Variants in NOP2 observed in about 807,000 individuals in gnomAD.
NOP2 encodes the protein NOP2 nucleolar protein.
A neutral mutation model predicts 72.7 loss-of-function variants in NOP2; 7 were observed. The observed-to-expected ratio is 0.10, with a 90% CI of 0.05 to 0.18. The LOEUF (loss-of-function observed/expected upper bound fraction) is 0.18. Among genes scored for constraint, NOP2 ranks in the 10% least tolerant of loss-of-function variants. NOP2 has a pLI of 1.00. For synonymous variants in NOP2, 387 were observed against 388.0 expected, an observed-to-expected ratio of 1.00 and a Z score of 0.03; for missense variants, 954 against 1,014.7, an observed-to-expected ratio of 0.94 and a Z score of 0.81.
intron 2 of NOP2, chr12:6,567,578 A>C: frequency 2.4e-6 from 1 of 422,002 alleles, no homozygotes. Flanking sequence ...CTGAACTCAC[A>C]ATTGTTTTAA....
At position 6,560,833 on chromosome 12, in the gene NOP2, C is replaced by T. The variant is rs565679479; in HGVS notation, c.1348-46G>A. 6.2e-6 allele frequency: 10 copies of T among 1,608,274 alleles called. No homozygotes were observed. In the South Asian group the frequency reaches 7.8e-5, roughly 12 times the overall value. ...AATCATATGTCTCTTCTGCAACCAG[C>T]AGGGCAATATTTACTAGGGTCGAGT... On this transcript the variant is annotated intron_variant, in intron 12 of 15. Coordinates refer to ENST00000322166, the MANE Select transcript of NOP2 (RefSeq NM_001258308.2). The surrounding 1 kb of genome is among the most constrained non-coding windows in gnomAD (Gnocchi z 5.0).
At position 6,557,453 on chromosome 12, in the gene NOP2, T is replaced by A. The variant is rs1426852913; in HGVS notation, c.1979A>T (p.Glu660Val). 3.7e-6 allele frequency: 6 copies of A among 1,613,916 alleles called. No homozygotes were observed. The change falls in exon 16 of 16, where the codon GAA becomes GTA. Residue 660 changes from glutamate (E) to valine (V), a missense_variant. Physicochemically the swap from Glu to Val is moderately radical, Grantham distance 121. Transcript: ENST00000322166. ...TGTGACAGAAGGTACAGTGGACAAT[T>A]CTGAGTCTGCCCCTTTGGAGATGCC... ...LNGISKGADS[E>V]LSTVPSVTKT...
intron 1 of NOP2, 54 bp from the exon 2 acceptor site, chr12:6,567,976 C>T: frequency 7.2e-7 from 1 of 1,383,628 alleles, no homozygotes; most frequent in South Asian, 1.2e-5. Flanking sequence ...GAGGGAACGG[C>T]AGAACGCACG....
chr12:6,563,096 G>C lies in NOP2; in HGVS notation c.963C>G (p.Arg321=). 6.3e-7 allele frequency: 1 copy of C among 1,589,496 alleles called. No homozygotes were observed. Among genetic ancestry groups the C allele is most frequent in the Admixed American group, 1.8e-5 (1 of 56,150 alleles). The change falls in exon 9 of 16, where the codon CGC becomes CGG. Residue 321 remains arginine (R), a synonymous_variant. Coordinates refer to ENST00000322166, the MANE Select transcript of NOP2 (RefSeq NM_001258308.2). ...TLRTNTLKTR[R]RDLAQALINR... ...CACCCCTCACCTGTGCAAGGTCTCG[G>C]CGTCGGGTTTTCAAGGTATTGGTCC...
chr12:6,564,886 C>T (rs1947739274), intron 5 of NOP2, among the ~76,000 whole-genome samples: 1 of 152,088 alleles, frequency 6.6e-6, no homozygotes, highest in Non-Finnish European at 1.5e-5. Context: ...CCATAACTTA[C>T]TTAAGCATAT....
rs1592249614 is a variant in NOP2 at position 6,567,818 on chromosome 12, G to A, written c.101C>T (p.Ala34Val). The A allele has an allele frequency of 6.2e-7, 1 of 1,613,360 alleles. No individual in the cohort carries two copies. The highest frequency in any genetic ancestry group is 8.5e-7 in the Non-Finnish European group (1 of 1,179,306). ...AGGAGGCCACAACTAATCCTTACCT[G>A]CAGGCAAGAATCTGACGAGTTCTGT... ...AETELVRFLP[A>V]VSDENSKRLS... The change falls in exon 2 of 16, where the codon GCA (alanine) becomes GTA (valine). Residue 34 changes from alanine to valine, a missense_variant and splice_region_variant. Physicochemically the swap from Ala to Val is moderately conservative, Grantham distance 64. Coordinates refer to ENST00000322166, the MANE Select transcript of NOP2 (RefSeq NM_001258308.2).
intron 15 of NOP2, among the ~76,000 whole-genome samples, chr12:6,558,946 G>C (rs542463859): frequency 6.6e-6 from 1 of 152,164 alleles, no homozygotes; most frequent in Admixed American, 6.5e-5. Context: ...TACTTTTTAA[G>C]TTATAGCAAA....
chr12:6,557,445 T>A lies in NOP2; in HGVS notation c.1987A>T (p.Thr663Ser). Residue 663 changes from threonine to serine, a missense_variant, in exon 16 of 16, where the codon ACT becomes TCT. Around this residue, in one of 3 missense-constraint regions of NOP2, gnomAD observed 269 missense variants for 260.2 expected, o/e 1.03. Transcript: ENST00000322166. The stretch of plus-strand genomic sequence containing the variant: ...TGGGTCTTTGTGACAGAAGGTACAG[T>A]GGACAATTCTGAGTCTGCCCCTTTG... ...ISKGADSELS[T>S]VPSVTKTQAS... 2 of 1,614,038 alleles carry A rather than the reference T, an allele frequency of 1.2e-6. No individual in the cohort carries two copies. The highest frequency in any genetic ancestry group is 1.7e-6 in the Non-Finnish European group (2 of 1,179,892).
chr12:6,558,220 G>A, intron 15 of NOP2: 6 of 335,328 alleles, frequency 1.8e-5, no homozygotes, highest in South Asian at 1.3e-4. Flanking sequence ...CCCTCTTGAG[G>A]ACAGGAAGTA....
chr12:6,558,899 T>C (rs115230520), intron 15 of NOP2, among the ~76,000 whole-genome samples: 1,837 of 152,290 alleles, frequency 0.012, 33 homozygotes, highest in African/African-American at 0.041. Flanking sequence ...TTTCTTTCCA[T>C]GTGAATTGTG....
In NOP2 at chr12:6,564,068, AGAG is replaced by A; in HGVS notation, c.475-125_475-123del. ...CCAACACTTGCTCTCAGAAGGAAAT[AGAG>A]GAGCAAAGAAATGAAAATAAGATGG... On this transcript the variant is annotated intron_variant, in intron 5 of 15. Coordinates refer to ENST00000322166, the MANE Select transcript of NOP2 (RefSeq NM_001258308.2). 5 of 1,533,200 alleles carry A rather than the reference AGAG, an allele frequency of 3.3e-6. No homozygotes were observed. The East Asian group carries it at 1.2e-4, about 38-fold the overall frequency. The allele number at this position is 1,533,200 out of a possible 1,614,324, so 95.0% of individuals were successfully genotyped here.
Position 6,560,123 on chromosome 12 carries a change from G to A in NOP2, c.1764C>T (p.Ser588=). ...GFFIAKFKKF[S]NSIPQSQTGN... ...CTGTCTGGGACTGAGGGATAGAATT[G>A]GAAAATTTCTTGAACTTGGCAATGA... The change falls in exon 15 of 16, where the codon TCC becomes TCT. Residue 588 remains serine, a synonymous_variant. Coordinates refer to ENST00000322166, the MANE Select transcript of NOP2 (RefSeq NM_001258308.2). The surrounding 1 kb of genome is among the most constrained non-coding windows in gnomAD (Gnocchi z 5.0). 6.2e-7 allele frequency: 1 copy of A among 1,613,802 alleles called. No individual in the cohort carries two copies. The highest frequency in any genetic ancestry group is 8.5e-7 in the Non-Finnish European group (1 of 1,179,720).
rs745525844 is a variant in NOP2 at position 6,556,986 on chromosome 12, C to T, written c.*7G>A. ...GGCAGTGAGCCACCCGTCTAGTTTT[C>T]AACCATCTAAGATAGCAGCAGCTGG... On this transcript the variant is annotated 3_prime_UTR_variant, in exon 16 of 16. Transcript: ENST00000322166. 1 of 1,613,618 alleles carries T rather than the reference C, an allele frequency of 6.2e-7. No individual in the cohort carries two copies. Among genetic ancestry groups the T allele is most frequent in the African/African-American group, 1.3e-5 (1 of 75,004 alleles).
intron 1 of NOP2, 22 bp from the exon 2 acceptor site, chr12:6,567,944 G>C: frequency 6.3e-7 from 1 of 1,587,902 alleles, no homozygotes; most frequent in Non-Finnish European, 8.6e-7. Flanking sequence ...AGAAATGGGA[G>C]AAGGTGGCGT....
At chr12:6,558,272 GTTTT>G (rs574205837) in intron 15 of NOP2, 10 of 251,258 alleles carry the variant, frequency 4.0e-5, no homozygotes, top group African/African-American at 1.4e-4. Context: ...GGGTTTTGGG[GTTTT>G]TTTTTTCTTT....
At chr12:6,559,794 G>A (rs59876139) in intron 15 of NOP2, among the ~76,000 whole-genome samples, 2,725 of 152,306 alleles carry the variant, frequency 0.018, 100 homozygotes, top group African/African-American at 0.062. Context: ...AGTCCACCCT[G>A]TGCCAAGAAG....
In NOP2 at chr12:6,562,996, A is replaced by G. The variant is rs957724009; in HGVS notation, c.978+85T>C. The G allele has an allele frequency of 1.7e-5, 23 of 1,318,306 alleles. No individual in the cohort carries two copies. In the Admixed American group the frequency reaches 4.5e-4, roughly 26 times the overall value. 81.7% of individuals were successfully genotyped at this position (1,318,306 alleles called of 1,614,324 possible). A position where few individuals can be genotyped will look rare whatever the true frequency, so the allele number is the denominator to read the frequency against. On this transcript the variant is annotated intron_variant, in intron 9 of 15. Transcript: ENST00000322166. The stretch of plus-strand genomic sequence containing the variant: ...ATGCTTAGGTCCTAAGGCCCCACCC[A>G]GTCAGGGTAGCACAGAGGAATCTCT...
chr12:6,562,961 C>G lies in NOP2; in HGVS notation c.978+120G>C. The stretch of plus-strand genomic sequence containing the variant: ...AGACATCAGGCCTCTGGGTTTGCCC[C>G]CCCAGGATCATGCTTAGGTCCTAAG... On this transcript the variant is annotated intron_variant, in intron 9 of 15. Transcript: ENST00000322166. The G allele has an allele frequency of 3.0e-6, 3 of 990,134 alleles. No homozygotes were observed. In the East Asian group the frequency reaches 7.8e-5, roughly 26 times the overall value. The allele number at this position is 990,134 out of a possible 1,614,324, so 61.3% of individuals were successfully genotyped here. A position where few individuals can be genotyped will look rare whatever the true frequency, so the allele number is the denominator to read the frequency against.
chr12:6,566,032 C>G, intron 5 of NOP2, 69 bp downstream of exon 5: 1 of 1,338,098 alleles, frequency 7.5e-7, no homozygotes, highest in Middle Eastern at 1.8e-4. Flanking sequence ...AAGAAACAGT[C>G]TCAAGAATCT....
Sources: gnomAD v4.1 joint callset for allele counts (sites outside exome capture counted in the v4.1 genomes callset) on GRCh38, gnomAD v4.1.1 for gene constraint, gnomAD v4.1.1 regional missense constraint, Gnocchi (gnomAD v3.1) non-coding constraint, MANE v1.5 for transcripts, NCBI Gene and HGNC (gene_info 2026-07-23, HGNC 2026-07-21) for gene names.